Variants in MBD5 observed in about 807,000 individuals in gnomAD.
MBD5 encodes methyl-CpG binding domain protein 5.
In MBD5, 13 loss-of-function variants were observed where a neutral mutation model predicts 117.3. That is an observed-to-expected ratio of 0.11 (90% confidence interval 0.07 to 0.18). The LOEUF (loss-of-function observed/expected upper bound fraction) is 0.18, where lower values mean the gene tolerates loss of function less well. MBD5 is among the 10% of genes least tolerant of loss of function. The pLI, the probability that MBD5 is intolerant of heterozygous loss-of-function variation, is 1.00. For synonymous variants in MBD5, 727 were observed against 766.4 expected (o/e 0.95, Z 0.85); for missense variants, 1,879 against 2,093.8 (o/e 0.90, Z 2.00).
intron 1 of MBD5, among the ~76,000 whole-genome samples, chr2:148,052,472 A>G (rs986940323): frequency 1.3e-5 from 2 of 152,098 alleles, no homozygotes; most frequent in Non-Finnish European, 2.9e-5. Flanking sequence ...GGCCTCCCAA[A>G]GTGCTGGTGT....
At chr2:148,486,705 T>C (rs965467481) in intron 10 of MBD5, among the ~76,000 whole-genome samples, 10 of 152,110 alleles carry the variant, frequency 6.6e-5, no homozygotes, top group Admixed American at 1.3e-4. Context: ...TTCACAGAAA[T>C]TGAAAGATAA....
intron 1 of MBD5, among the ~76,000 whole-genome samples, chr2:148,118,825 T>C (rs1281646645): frequency 1.3e-5 from 2 of 152,184 alleles, no homozygotes; most frequent in African/African-American, 4.8e-5. Context: ...GCATTAAAGT[T>C]TTCATGGTTT....
intron 4 of MBD5, among the ~76,000 whole-genome samples, chr2:148,386,045 G>A (rs1249115408): frequency 6.6e-6 from 1 of 151,194 alleles, no homozygotes; most frequent in Middle Eastern, 3.2e-3. Flanking sequence ...CACCAACATG[G>A]CACATGTATA....
At chr2:148,443,894 A>G (rs973225703) in intron 4 of MBD5, among the ~76,000 whole-genome samples, 3 of 151,368 alleles carry the variant, frequency 2.0e-5, no homozygotes, top group African/African-American at 7.4e-5. Flanking sequence ...AACTGAAAGT[A>G]TAATTGGATT....
intron 2 of MBD5, among the ~76,000 whole-genome samples, chr2:148,184,251 G>T (rs1698598581): frequency 6.6e-6 from 1 of 152,040 alleles, no homozygotes; most frequent in African/African-American, 2.4e-5. Context: ...GACCTCAAGT[G>T]GTCCTCCCGC....
At chr2:148,424,177 C>CAAAAAAAAAAAAAAAAAAAAAAAAA (rs56740583) in intron 4 of MBD5, among the ~76,000 whole-genome samples, 1 of 53,442 alleles carries the variant, frequency 1.9e-5, no homozygotes, top group Non-Finnish European at 4.3e-5. Flanking sequence ...GACTCTGTCT[C>CAAAAAAAAAAAAAAAAAAAAAAAAA]AAAAAAAAAA....
intron 4 of MBD5, among the ~76,000 whole-genome samples, chr2:148,376,065 T>C (rs1435642948): frequency 6.6e-6 from 1 of 150,902 alleles, no homozygotes; most frequent in Non-Finnish European, 1.5e-5. Flanking sequence ...GCCAATAGCA[T>C]ACATACACAT....
chr2:148,294,971 G>A (rs570277700), intron 3 of MBD5, among the ~76,000 whole-genome samples: 12 of 152,150 alleles, frequency 7.9e-5, no homozygotes, highest in East Asian at 5.8e-4. Context: ...CTCTTACTGC[G>A]TTCAAGATTT....
At chr2:148,068,847 T>A (rs555761983) in intron 1 of MBD5, among the ~76,000 whole-genome samples, 2 of 152,336 alleles carry the variant, frequency 1.3e-5, no homozygotes, top group South Asian at 4.1e-4. Flanking sequence ...ACTAATAATT[T>A]GATTCTTTTG....
chr2:148,175,474 T>C (rs1176030592), intron 1 of MBD5, among the ~76,000 whole-genome samples: 1 of 152,174 alleles, frequency 6.6e-6, no homozygotes, highest in African/African-American at 2.4e-5. Context: ...ACAGGAATAA[T>C]AGAATGTATG....
Position 148,264,940 on chromosome 2 carries a change from T to C in MBD5, c.-680+31545T>C, listed in dbSNP as rs1188025141. 2.0e-5 allele frequency: 3 copies of C among 152,102 alleles called. No individual in the cohort carries two copies. The East Asian group carries it at 5.8e-4, about 29-fold the overall frequency. The allele number at this position is 152,102 out of a possible 1,614,324, so 9.4% of individuals were successfully genotyped here. A position where few individuals can be genotyped will look rare whatever the true frequency, so the allele number is the denominator to read the frequency against. ...CAAAGGTCACATGACTGATGATCAA[T>C]AATCAAATAACTAGGAAAGGGACTA... On this transcript the variant is annotated intron_variant, in intron 3 of 13. Transcript: ENST00000642680.
chr2:148,045,821 T>A (rs557174653), intron 1 of MBD5, among the ~76,000 whole-genome samples: 3 of 152,212 alleles, frequency 2.0e-5, no homozygotes, highest in Admixed American at 2.0e-4. Context: ...TATGTTAGAA[T>A]TTGTATATAG....
At chr2:148,382,921 C>T (rs992395842) in intron 4 of MBD5, among the ~76,000 whole-genome samples, 1 of 151,096 alleles carries the variant, frequency 6.6e-6, no homozygotes, top group African/African-American at 2.4e-5. Context: ...AACAAAGACA[C>T]AACATACCAG....
At chr2:148,506,217 A>G (rs1379662700) in intron 12 of MBD5, among the ~76,000 whole-genome samples, 3 of 152,236 alleles carry the variant, frequency 2.0e-5, no homozygotes, top group Non-Finnish European at 2.9e-5. Context: ...TATTTAATAC[A>G]TTACTTAGGG....
At chr2:148,199,516 C>T (rs1256979203) in intron 2 of MBD5, among the ~76,000 whole-genome samples, 4 of 152,104 alleles carry the variant, frequency 2.6e-5, no homozygotes, top group African/African-American at 9.7e-5. Flanking sequence ...TGTCTATAAT[C>T]TAACCACTTT....
At chr2:148,433,997 C>T (rs995842784) in intron 4 of MBD5, among the ~76,000 whole-genome samples, 4 of 151,148 alleles carry the variant, frequency 2.6e-5, no homozygotes, top group African/African-American at 7.3e-5. Context: ...TGGTAGAATT[C>T]AGCTGTGAAT....
intron 3 of MBD5, among the ~76,000 whole-genome samples, chr2:148,292,233 A>G (rs1445440980): frequency 1.3e-5 from 2 of 152,212 alleles, no homozygotes. Flanking sequence ...ATTAAGTTAA[A>G]AAGCCTCTGC....
At chr2:148,179,654 C>T (rs139226521) in intron 2 of MBD5, among the ~76,000 whole-genome samples, 5,751 of 152,244 alleles carry the variant, frequency 0.038, 120 homozygotes, top group Middle Eastern at 0.065. Flanking sequence ...CTGTTCATGC[C>T]TCCCATGACT....
chr2:148,090,611 G>C (rs1317420342), intron 1 of MBD5, among the ~76,000 whole-genome samples: 1 of 152,040 alleles, frequency 6.6e-6, no homozygotes, highest in Non-Finnish European at 1.5e-5. Flanking sequence ...TATTTCAATA[G>C]ATACAGAAAA....
Sources: allele counts gnomAD v4.1 joint callset (sites outside exome capture counted in the v4.1 genomes callset), GRCh38; gene constraint gnomAD v4.1.1; transcripts MANE v1.5; gene names NCBI Gene and HGNC (gene_info 2026-07-23, HGNC 2026-07-21).